CNTN5: variants seen among roughly 807,000 people sequenced by gnomAD.
The protein encoded by CNTN5 is contactin 5.
Under a neutral mutation model 129.1 loss-of-function variants are expected in CNTN5, and 77 were observed. That is an observed-to-expected ratio of 0.60 (90% CI 0.50 to 0.72). CNTN5 has a LOEUF of 0.72. CNTN5 is among the 30% of genes least tolerant of loss of function. The pLI, the probability that CNTN5 is intolerant of heterozygous loss-of-function variation, is 0.00. For missense variants in CNTN5, 1,478 were observed against 1,328.8 expected, an observed-to-expected ratio of 1.11 and a Z score of -1.75; for synonymous variants, 509 against 465.6, an observed-to-expected ratio of 1.09 and a Z score of -1.20.
chr11:99,976,103 C>A (rs1047438624), intron 8 of CNTN5, among the ~76,000 whole-genome samples: 1 of 152,206 alleles, frequency 6.6e-6, no homozygotes, highest in Non-Finnish European at 1.5e-5. Context: ...AGTCCATAAA[C>A]CATCCAGAGA....
intron 1 of CNTN5, among the ~76,000 whole-genome samples, chr11:99,056,345 T>C (rs905252033): frequency 1.3e-5 from 2 of 151,934 alleles, no homozygotes; most frequent in Non-Finnish European, 2.9e-5. Context: ...TATTGGAAGC[T>C]AGTTATGTAG....
chr11:99,608,152 A>G lies in CNTN5; in HGVS notation c.55+51883A>G, dbSNP rs562198093. On this transcript the variant is annotated intron_variant, in intron 3 of 24. Coordinates refer to ENST00000524871, the MANE Select transcript of CNTN5 (RefSeq NM_014361.4). ...GTGAACTCAAAACTTCTATACTGCCAATCTCTTTTAAACTACTATATTATC... is the reference window on the plus strand; with the variant it reads ...GTGAACTCAAAACTTCTATACTGCCGATCTCTTTTAAACTACTATATTATC... Among the ~76,000 whole-genome samples, 35 of 152,172 alleles carry G rather than the reference A, an allele frequency of 2.3e-4. No individual in the cohort carries two copies. The South Asian group carries it at 6.4e-3, about 28-fold the overall frequency.
intron 6 of CNTN5, among the ~76,000 whole-genome samples, chr11:99,857,710 C>T (rs560701255): frequency 3.3e-5 from 5 of 152,028 alleles, no homozygotes; most frequent in South Asian, 4.2e-4. Flanking sequence ...AAGATACCCC[C>T]GAAAAATATA....
intron 16 of CNTN5, among the ~76,000 whole-genome samples, chr11:100,254,446 T>A (rs944784928): frequency 3.9e-5 from 6 of 152,158 alleles, no homozygotes; most frequent in African/African-American, 1.2e-4. Flanking sequence ...AGGAAAAAAT[T>A]GTCATTTCTT....
chr11:99,046,184 CA>C (rs1014650748), intron 1 of CNTN5, among the ~76,000 whole-genome samples: 1 of 150,954 alleles, frequency 6.6e-6, no homozygotes, highest in East Asian at 2.0e-4. Flanking sequence ...ACTAAAAATA[CA>C]AAAAAAAATC....
At chr11:100,307,809 G>A (rs1444848990) in intron 20 of CNTN5, among the ~76,000 whole-genome samples, 1 of 151,482 alleles carries the variant, frequency 6.6e-6, no homozygotes, top group Non-Finnish European at 1.5e-5. Context: ...TTTTGTGAAT[G>A]AACATTTTTA....
At chr11:99,855,921 A>T (rs1441585109) in intron 6 of CNTN5, among the ~76,000 whole-genome samples, 3 of 152,210 alleles carry the variant, frequency 2.0e-5, no homozygotes, top group African/African-American at 7.2e-5. Flanking sequence ...ATAAAATACA[A>T]CTATTATCAT....
At chr11:100,035,638 T>C (rs576257619) in intron 9 of CNTN5, among the ~76,000 whole-genome samples, 198 of 142,236 alleles carry the variant, frequency 1.4e-3, no homozygotes, top group African/African-American at 5.2e-3. Flanking sequence ...ACCTGTTGTT[T>C]CCTGACTTTT....
chr11:99,766,032 A>G (rs1485147745), intron 3 of CNTN5, among the ~76,000 whole-genome samples: 1 of 152,062 alleles, frequency 6.6e-6, no homozygotes, highest in Admixed American at 6.6e-5. Flanking sequence ...TGATTAGAGA[A>G]CATGAATATT....
At chr11:99,708,523 T>C (rs1262563639) in intron 3 of CNTN5, among the ~76,000 whole-genome samples, 1 of 151,724 alleles carries the variant, frequency 6.6e-6, no homozygotes, top group Non-Finnish European at 1.5e-5. Flanking sequence ...GTACATATTG[T>C]TTATAATAAG....
chr11:99,925,430 G>T (rs1482257086), intron 7 of CNTN5, among the ~76,000 whole-genome samples: 1 of 152,154 alleles, frequency 6.6e-6, no homozygotes, highest in Non-Finnish European at 1.5e-5. Context: ...AATGCATTTG[G>T]TTGTCCTTTT....
At chr11:99,212,512 T>A (rs1859856108) in intron 1 of CNTN5, among the ~76,000 whole-genome samples, 1 of 152,198 alleles carries the variant, frequency 6.6e-6, no homozygotes, top group Admixed American at 6.5e-5. Context: ...TTTCACTTCT[T>A]ATTATATTCT....
chr11:99,306,404 G>A (rs769852798), intron 1 of CNTN5, among the ~76,000 whole-genome samples: 7 of 152,060 alleles, frequency 4.6e-5, no homozygotes, highest in Non-Finnish European at 1.0e-4. Flanking sequence ...TATGTAAGGC[G>A]TATAGACAAG....
chr11:99,921,692 G>A (rs555979930), intron 7 of CNTN5, among the ~76,000 whole-genome samples: 1 of 152,166 alleles, frequency 6.6e-6, no homozygotes, highest in South Asian at 2.1e-4. Context: ...AATTCTGCAG[G>A]TTTTGTTCAC....
chr11:99,976,266 G>C (rs1937963656), intron 8 of CNTN5, among the ~76,000 whole-genome samples: 1 of 152,188 alleles, frequency 6.6e-6, no homozygotes, highest in Non-Finnish European at 1.5e-5. Flanking sequence ...TTCACAGGCT[G>C]GCATTAAGTA....
chr11:99,291,792 T>C (rs1358041600), intron 1 of CNTN5, among the ~76,000 whole-genome samples: 1 of 152,040 alleles, frequency 6.6e-6, no homozygotes, highest in Non-Finnish European at 1.5e-5. Context: ...CTGAGCTTAG[T>C]GGATTCACAC....
At chr11:99,740,631 G>A (rs929256031) in intron 3 of CNTN5, among the ~76,000 whole-genome samples, 3 of 152,122 alleles carry the variant, frequency 2.0e-5, no homozygotes, top group Non-Finnish European at 4.4e-5. Flanking sequence ...GTAGACACAG[G>A]CTGGATTGCA....
chr11:99,085,677 A>G (rs1310060102), intron 1 of CNTN5, among the ~76,000 whole-genome samples: 12 of 152,152 alleles, frequency 7.9e-5, no homozygotes, highest in Non-Finnish European at 2.9e-5. Context: ...TTGGATAGTA[A>G]GAAAATTTTA....
intron 13 of CNTN5, among the ~76,000 whole-genome samples, chr11:100,177,796 T>C (rs1426978105): frequency 6.6e-6 from 1 of 152,126 alleles, no homozygotes; most frequent in African/African-American, 2.4e-5. Flanking sequence ...TCTGGGGATA[T>C]TGTTGTAAGT....
Sources: gnomAD v4.1 joint callset for allele counts (sites outside exome capture counted in the v4.1 genomes callset) on GRCh38, gnomAD v4.1.1 for gene constraint, MANE v1.5 for transcripts, NCBI Gene and HGNC (gene_info 2026-07-23, HGNC 2026-07-21) for gene names.